SUN1: variants seen among roughly 807,000 people sequenced by gnomAD.
SUN1 encodes the protein SUN domain-containing protein 1.
A neutral mutation model predicts 103.2 loss-of-function variants in SUN1; 61 were observed. That is an observed-to-expected ratio of 0.59 (90% confidence interval 0.48 to 0.73). SUN1 has a LOEUF of 0.73. SUN1 is among the 30% of genes least tolerant of loss of function. The probability of loss-of-function intolerance (pLI) is 0.00; values close to 1 mark genes in which losing one functional copy is unlikely to be tolerated. For missense variants in SUN1, 1,052 were observed against 1,034.6 expected, an observed-to-expected ratio of 1.02 and a Z score of -0.23; for synonymous variants, 490 against 425.7, an observed-to-expected ratio of 1.15 and a Z score of -1.86.
Position 853,467 on chromosome 7 carries a change from CTCTG to C in SUN1, c.1117_1120del (p.Ser373AspfsTer13). On this transcript the variant is annotated frameshift_variant, in exon 10 of 19. Coordinates refer to ENST00000401592, the MANE Select transcript of SUN1 (RefSeq NM_001130965.3). LOFTEE classifies it high-confidence loss of function. Reference sequence around the variant, plus strand: ...AGTGGCGTGGAGCAGCAGGTGGCCTCTCTGTCTGGACAGTGCCACCACCATGGTG... The same window carrying C: ...AGTGGCGTGGAGCAGCAGGTGGCCTCTCTGGACAGTGCCACCACCATGGTG... 6.2e-7 allele frequency: 1 copy of C among 1,614,086 alleles called. No homozygotes were observed. The highest frequency in any genetic ancestry group is 8.5e-7 in the Non-Finnish European group (1 of 1,180,046).
upstream of SUN1, chr7:832,147 C>T (rs774182515): frequency 4.0e-5 from 38 of 938,980 alleles, no homozygotes; most frequent in African/African-American, 1.4e-4. Flanking sequence ...TTCAGAAGAC[C>T]GAGAACATTT....
chr7:855,954 T>A (rs961536001), intron 11 of SUN1, among the ~76,000 whole-genome samples: 2 of 152,182 alleles, frequency 1.3e-5, no homozygotes, highest in African/African-American at 4.8e-5. Context: ...GGAGTGAGAC[T>A]TGGGGCTGAC....
At chr7:841,853 T>A (rs970738329) in intron 2 of SUN1, 93 bp from the exon 3 acceptor site, 20 of 1,363,234 alleles carry the variant, frequency 1.5e-5, no homozygotes, top group Non-Finnish European at 2.0e-5. Context: ...AAATGCTGTT[T>A]ATTCCCAGAT....
intron 1 of SUN1, among the ~76,000 whole-genome samples, chr7:819,997 G>A (rs1199492497): frequency 6.6e-6 from 1 of 152,146 alleles, no homozygotes; most frequent in Non-Finnish European, 1.5e-5. Flanking sequence ...AAGTTTTGAA[G>A]CTAGGAAGTC....
intron 15 of SUN1, among the ~76,000 whole-genome samples, chr7:863,111 C>G (rs1218620468): frequency 6.6e-6 from 1 of 152,186 alleles, no homozygotes; most frequent in African/African-American, 2.4e-5. Flanking sequence ...CACTGCACTC[C>G]AGCCTGGGTG....
At chr7:854,239 C>T (rs1184194441) in intron 10 of SUN1, among the ~76,000 whole-genome samples, 1 of 152,248 alleles carries the variant, frequency 6.6e-6, no homozygotes, top group Non-Finnish European at 1.5e-5. Flanking sequence ...CCAGCACGTG[C>T]CTGTGGGTGT....
At chr7:860,864 C>G (rs1219698755) in intron 14 of SUN1, among the ~76,000 whole-genome samples, 1 of 152,124 alleles carries the variant, frequency 6.6e-6, no homozygotes, top group African/African-American at 2.4e-5. Context: ...CGAGGGAACT[C>G]CCTTTATAAA....
chr7:849,746 C>A, intron 5 of SUN1: 1 of 1,108,254 alleles, frequency 9.0e-7, no homozygotes, highest in Non-Finnish European at 1.4e-6. Context: ...GGAGCTGCTG[C>A]TTAAGCCCTC....
intron 16 of SUN1, among the ~76,000 whole-genome samples, chr7:866,862 G>A (rs1355430641): frequency 6.7e-6 from 1 of 148,774 alleles, no homozygotes; most frequent in Non-Finnish European, 1.5e-5. Flanking sequence ...GCTTTTCTGT[G>A]GCTTCATTTA....
chr7:833,779 T>G (rs1029455780), intron 1 of SUN1, among the ~76,000 whole-genome samples: 7 of 152,204 alleles, frequency 4.6e-5, no homozygotes, highest in African/African-American at 1.7e-4. Flanking sequence ...ACACACTCTG[T>G]TTTCTAAGAG....
rs113852067 is a variant in SUN1 at position 833,477 on chromosome 7, A to T, written c.77+876A>T. Among the ~76,000 whole-genome samples the T allele has an allele frequency of 3.0e-3, 462 of 151,846 alleles. 5 individuals are homozygous for T. Among genetic ancestry groups the T allele is most frequent in the African/African-American group, 0.011 (442 of 41,356 alleles). On this transcript the variant is annotated intron_variant, in intron 1 of 18. Transcript: ENST00000401592. The stretch of plus-strand genomic sequence containing the variant: ...AGACGTGCGCCACCACGCCCAGCTA[A>T]TTTTTGTATTTTTAATAGAGATGGG...
intron 15 of SUN1, among the ~76,000 whole-genome samples, chr7:862,244 C>T (rs1160976012): frequency 6.6e-6 from 1 of 152,194 alleles, no homozygotes; most frequent in Non-Finnish European, 1.5e-5. Context: ...ATGCTGTGTT[C>T]AGTACACGTT....
intron 1 of SUN1, among the ~76,000 whole-genome samples, chr7:818,102 C>T (rs148333524): frequency 4.7e-4 from 71 of 151,580 alleles, no homozygotes; most frequent in African/African-American, 1.5e-3. Flanking sequence ...TGCTAAAATA[C>T]ACGTAACGTA....
At chr7:827,688 G>A (rs919638402), upstream of SUN1, among the ~76,000 whole-genome samples, 13 of 151,342 alleles carry the variant, frequency 8.6e-5, no homozygotes, top group Non-Finnish European at 1.5e-4. Flanking sequence ...GGATGGTCTC[G>A]ATCTCCTGAC....
At chr7:825,162 C>T (rs981677055) in intron 1 of SUN1, among the ~76,000 whole-genome samples, 1 of 152,034 alleles carries the variant, frequency 6.6e-6, no homozygotes, top group Non-Finnish European at 1.5e-5. Context: ...GGGTTCACGC[C>T]ATTCTCCTGC....
rs750547703 is a variant in SUN1 at position 853,611 on chromosome 7, C to T, written c.1256C>T (p.Pro419Leu). 1.6e-5 allele frequency: 25 copies of T among 1,601,662 alleles called. No individual in the cohort carries two copies. The highest frequency in any genetic ancestry group is 1.9e-4 in the Middle Eastern group (1 of 5,268). ...GTCAGAGACGCTGTGGGACAGCCCC[C>T]GAGGGAGGTGGGTGCTGCCGGGCTA... ...ASVRDAVGQP[P>L]RETDFMAFHQ... The change falls in exon 10 of 19, where the codon CCG becomes CTG. Residue 419 changes from proline (P) to leucine (L), a missense_variant. Physicochemically the swap from Pro to Leu is moderately conservative, Grantham distance 98. Coordinates refer to ENST00000401592, the MANE Select transcript of SUN1 (RefSeq NM_001130965.3).
chr7:869,947 A>C (rs914848511), intron 17 of SUN1, among the ~76,000 whole-genome samples: 5 of 151,890 alleles, frequency 3.3e-5, no homozygotes, highest in African/African-American at 1.2e-4. Flanking sequence ...GAATCCCAGC[A>C]CTGTGGGAGG....
chr7:867,167 CTG>C (rs1837647606), intron 16 of SUN1, among the ~76,000 whole-genome samples: 1 of 152,238 alleles, frequency 6.6e-6, no homozygotes, highest in Non-Finnish European at 1.5e-5. Context: ...GTCAGCGTGA[CTG>C]TTTGGCTTTC....
At chr7:844,425 G>A (rs545056791) in intron 5 of SUN1, among the ~76,000 whole-genome samples, 47 of 152,232 alleles carry the variant, frequency 3.1e-4, no homozygotes, top group Admixed American at 7.2e-4. Flanking sequence ...TGCCCGGGAC[G>A]TGGGGCGTTT....
Sources: allele counts gnomAD v4.1 joint callset (sites outside exome capture counted in the v4.1 genomes callset), GRCh38; gene constraint gnomAD v4.1.1; transcripts MANE v1.5; gene names NCBI Gene and HGNC (gene_info 2026-07-23, HGNC 2026-07-21).